The following ZDHHC7 variants were observed in gnomAD, a reference collection of about 807,000 sequenced individuals.
ZDHHC7 encodes palmitoyltransferase ZDHHC7.
In ZDHHC7, 12 loss-of-function variants were observed where a neutral mutation model predicts 34.1. That is an observed-to-expected ratio of 0.35 (90% CI 0.23 to 0.57). The LOEUF (loss-of-function observed/expected upper bound fraction) is 0.57, where lower values mean the gene tolerates loss of function less well. Among genes scored for constraint, ZDHHC7 ranks in the 20% least tolerant of loss-of-function variants. The pLI is 0.84. For synonymous variants in ZDHHC7, 185 were observed against 155.4 expected (o/e 1.19, Z -1.42); for missense variants, 388 against 402.7 (o/e 0.96, Z 0.31).
intron 1 of ZDHHC7, among the ~76,000 whole-genome samples, chr16:85,009,768 G>A (rs2072765145): frequency 6.8e-6 from 1 of 147,358 alleles, no homozygotes; most frequent in African/African-American, 2.5e-5. Context: ...GAGTGCAGTG[G>A]CGCGATCTTG....
chr16:84,978,971 G>A (rs1205721396), intron 5 of ZDHHC7, among the ~76,000 whole-genome samples: 1 of 151,994 alleles, frequency 6.6e-6, no homozygotes, highest in Non-Finnish European at 1.5e-5. Context: ...ACATCTGGGA[G>A]AGAATTAAAT....
chr16:85,000,238 G>T (rs1202936594), intron 1 of ZDHHC7, among the ~76,000 whole-genome samples: 1 of 152,094 alleles, frequency 6.6e-6, no homozygotes, highest in African/African-American at 2.4e-5. Context: ...AGGTATGTAC[G>T]GCCGGTGTGA....
chr16:84,997,332 A>C (rs1213512418), intron 1 of ZDHHC7, among the ~76,000 whole-genome samples: 1 of 137,210 alleles, frequency 7.3e-6, no homozygotes, highest in Non-Finnish European at 1.5e-5. Flanking sequence ...GCAGTGGCGC[A>C]GTCTCGGCTC....
upstream of ZDHHC7, among the ~76,000 whole-genome samples, chr16:85,014,143 T>C (rs991959842): frequency 1.3e-5 from 2 of 152,166 alleles, no homozygotes; most frequent in African/African-American, 4.8e-5. Context: ...ACCACATAAT[T>C]CTTAGTCCCC....
At chr16:85,022,340 G>T in the ZDHHC7 span, among the ~76,000 whole-genome samples, 1 of 152,062 alleles carries the variant, frequency 6.6e-6, no homozygotes, top group South Asian at 2.1e-4. Flanking sequence ...GGCCAACATG[G>T]TGAAACCCTA....
At chr16:85,016,362 T>C (rs1034117310), upstream of ZDHHC7, among the ~76,000 whole-genome samples, 4 of 152,030 alleles carry the variant, frequency 2.6e-5, no homozygotes. Flanking sequence ...AATGTTCTTT[T>C]ATATTTGCAT....
chr16:84,977,272 G>A (rs1359520809), intron 6 of ZDHHC7, 47 bp from the exon 7 acceptor site: 1 of 1,602,330 alleles, frequency 6.2e-7, no homozygotes, highest in Non-Finnish European at 8.5e-7. Flanking sequence ...AATACCCCGA[G>A]TGGCAGAATG....
At chr16:85,015,705 C>T (rs937235853), upstream of ZDHHC7, among the ~76,000 whole-genome samples, 3 of 151,824 alleles carry the variant, frequency 2.0e-5, no homozygotes, top group East Asian at 3.9e-4. Context: ...ATTGGCTGGG[C>T]GTGGTGGCGT....
At chr16:84,990,842 G>A (rs973344602) in intron 2 of ZDHHC7, among the ~76,000 whole-genome samples, 1 of 144,216 alleles carries the variant, frequency 6.9e-6, no homozygotes, top group Non-Finnish European at 1.5e-5. Context: ...AAGTCCCACA[G>A]TACAGGTTAT....
the ZDHHC7 span, among the ~76,000 whole-genome samples, chr16:85,018,021 T>G: frequency 3.9e-5 from 6 of 151,940 alleles, no homozygotes; most frequent in Non-Finnish European, 8.8e-5. Flanking sequence ...CGGGTGGGTG[T>G]GTGTTTAGGA....
At chr16:84,999,665 G>A (rs987785964) in intron 1 of ZDHHC7, among the ~76,000 whole-genome samples, 4 of 152,154 alleles carry the variant, frequency 2.6e-5, no homozygotes, top group African/African-American at 7.2e-5. Context: ...AGGCAAACTC[G>A]TTTATTTAGA....
chr16:85,018,449 TTC>T, the ZDHHC7 span, among the ~76,000 whole-genome samples: 6 of 129,616 alleles, frequency 4.6e-5, no homozygotes, highest in Non-Finnish European at 1.6e-5. Flanking sequence ...CTTATTTGTA[TTC>T]TTTTTTTTTT....
At chr16:85,019,845 C>G in the ZDHHC7 span, among the ~76,000 whole-genome samples, 1 of 152,214 alleles carries the variant, frequency 6.6e-6, no homozygotes. Context: ...GAGCAGTGTG[C>G]TCCCGGTCAC....
chr16:84,979,161 A>G, intron 5 of ZDHHC7, 28 bp downstream of exon 5: 1 of 1,576,888 alleles, frequency 6.3e-7, no homozygotes, highest in Non-Finnish European at 8.6e-7. Context: ...ATTCAATGTA[A>G]ATTCAATACA....
the ZDHHC7 span, among the ~76,000 whole-genome samples, chr16:85,020,337 G>C: frequency 6.6e-6 from 1 of 152,194 alleles, no homozygotes; most frequent in African/African-American, 2.4e-5. Flanking sequence ...ACCATGCTAA[G>C]TGCTGCAGAC....
intron 1 of ZDHHC7, among the ~76,000 whole-genome samples, chr16:84,999,003 C>T (rs2072620653): frequency 6.6e-6 from 1 of 152,208 alleles, no homozygotes; most frequent in African/African-American, 2.4e-5. Flanking sequence ...GATCCGCCCG[C>T]CTCAGCCTCC....
intron 3 of ZDHHC7, among the ~76,000 whole-genome samples, chr16:84,983,939 C>T (rs2072403320): frequency 6.9e-6 from 1 of 144,062 alleles, no homozygotes; most frequent in Non-Finnish European, 1.5e-5. Flanking sequence ...CTGCAGTGAG[C>T]CAAGATCACG....
chr16:84,994,723 T>C (rs2143669706), intron 2 of ZDHHC7, among the ~76,000 whole-genome samples: 1 of 152,322 alleles, frequency 6.6e-6, no homozygotes, highest in African/African-American at 2.4e-5. Context: ...AGGACGTTCC[T>C]ATAAGCACAT....
At position 84,976,279 on chromosome 16, in the gene ZDHHC7, T is replaced by C. The variant is rs967520914; in HGVS notation, c.*64A>G. 5 of 1,592,790 alleles carry C rather than the reference T, an allele frequency of 3.1e-6. No homozygotes were observed. Among genetic ancestry groups the C allele is most frequent in the Non-Finnish European group, 4.3e-6 (5 of 1,170,600 alleles). ...GTTGGTCACAGATGAGCTGTTGATA[T>C]CCTTCAGACCCCAAATAAATAACTG... On this transcript the variant is annotated 3_prime_UTR_variant, in exon 8 of 8. Coordinates refer to ENST00000313732, the MANE Select transcript of ZDHHC7 (RefSeq NM_017740.3).
Sources: allele counts gnomAD v4.1 joint callset (sites outside exome capture counted in the v4.1 genomes callset), GRCh38; gene constraint gnomAD v4.1.1; transcripts MANE v1.5; gene names NCBI Gene and HGNC (gene_info 2026-07-23, HGNC 2026-07-21).